FAM53B: variants seen among roughly 807,000 people sequenced by gnomAD.
The protein encoded by FAM53B is family with sequence similarity 53 member B.
Under a neutral mutation model 32.7 loss-of-function variants are expected in FAM53B, and 12 were observed. The ratio of observed to expected loss-of-function variants is 0.37; its 90% confidence interval spans 0.24 to 0.59. The LOEUF is 0.59. Ranked by LOEUF, FAM53B falls within the 20% of genes least tolerant of loss-of-function variation. FAM53B has a pLI of 0.72. For synonymous variants in FAM53B, 234 were observed against 228.7 expected, an observed-to-expected ratio of 1.02 and a Z score of -0.21; for missense variants, 477 against 577.7, an observed-to-expected ratio of 0.83 and a Z score of 1.79.
intron 4 of FAM53B, among the ~76,000 whole-genome samples, chr10:124,635,824 G>A (rs966595242): frequency 2.6e-5 from 4 of 152,000 alleles, no homozygotes; most frequent in African/African-American, 4.8e-5. Flanking sequence ...GTGGAACACC[G>A]TGCAGCCAAA....
intron 4 of FAM53B, among the ~76,000 whole-genome samples, chr10:124,645,735 G>A (rs1949508615): frequency 6.6e-6 from 1 of 152,210 alleles, no homozygotes; most frequent in Admixed American, 6.5e-5. Context: ...TCACCCGGGA[G>A]CTGGCAGAAG....
chr10:124,665,913 T>C (rs372550341), intron 4 of FAM53B, among the ~76,000 whole-genome samples: 115 of 148,680 alleles, frequency 7.7e-4, no homozygotes, highest in Middle Eastern at 3.4e-3. Context: ...ACTCGGCTTA[T>C]AGTCGGCTAC....
At position 124,651,031 on chromosome 10, in the gene FAM53B, A is replaced by T. The variant is rs1325832678; in HGVS notation, c.907-27427T>A. 6.6e-6 allele frequency among the ~76,000 whole-genome samples: 1 copy of T among 151,550 alleles called. No individual in the cohort carries two copies. The highest frequency in any genetic ancestry group is 1.9e-4 in the East Asian group (1 of 5,156). On this transcript the variant is annotated intron_variant, in intron 4 of 4. Transcript: ENST00000337318. This position sits in a 1 kb window ranked among gnomAD's most constrained non-coding sequence, Gnocchi z 5.2. ...CCACGCCAGACACTGGGAGCCCCCCAATCTCCCTTCAGAGGCCACTTCCTG... is the reference window on the plus strand; with the variant it reads ...CCACGCCAGACACTGGGAGCCCCCCTATCTCCCTTCAGAGGCCACTTCCTG...
At chr10:124,686,576 G>C (rs899307150) in intron 3 of FAM53B, among the ~76,000 whole-genome samples, 1 of 152,090 alleles carries the variant, frequency 6.6e-6, no homozygotes, top group Admixed American at 6.5e-5. Flanking sequence ...CTTTCTCCTA[G>C]CTCTGTGATC....
intron 2 of FAM53B, among the ~76,000 whole-genome samples, chr10:124,701,023 T>A (rs911174593): frequency 6.6e-6 from 1 of 152,148 alleles, no homozygotes; most frequent in African/African-American, 2.4e-5. Context: ...CGGATAGAGA[T>A]ACGCTGGCCC....
intron 3 of FAM53B, among the ~76,000 whole-genome samples, chr10:124,692,656 CCT>C (rs920736285): frequency 6.3e-5 from 9 of 142,066 alleles, no homozygotes; most frequent in Non-Finnish European, 9.0e-5. Context: ...CGGAGGTTGC[CCT>C]GAGACAAGAA....
intron 2 of FAM53B, among the ~76,000 whole-genome samples, chr10:124,701,780 AG>A (rs3842242): frequency 0.32 from 48,863 of 152,186 alleles, 8,240 homozygotes; most frequent in Admixed American, 0.41. Flanking sequence ...GCTGAGCCTC[AG>A]GGCCATCTCC....
At chr10:124,702,705 G>A (rs1949923235) in intron 2 of FAM53B, among the ~76,000 whole-genome samples, 1 of 152,206 alleles carries the variant, frequency 6.6e-6, no homozygotes, top group Non-Finnish European at 1.5e-5. Flanking sequence ...TGAGGCTCAA[G>A]GACAGGGAGG....
At chr10:124,712,318 T>C (rs547143938) in intron 1 of FAM53B, among the ~76,000 whole-genome samples, 1 of 152,190 alleles carries the variant, frequency 6.6e-6, no homozygotes. Flanking sequence ...ATTACACCAC[T>C]GTACTCCAGC....
intron 1 of FAM53B, among the ~76,000 whole-genome samples, chr10:124,722,822 A>G (rs1295402318): frequency 6.6e-6 from 1 of 152,176 alleles, no homozygotes; most frequent in African/African-American, 2.4e-5. Context: ...GTAGCTGGGG[A>G]CAGGGATGAG....
At chr10:124,624,650 C>T (rs536558666) in intron 4 of FAM53B, among the ~76,000 whole-genome samples, 6 of 152,256 alleles carry the variant, frequency 3.9e-5, no homozygotes, top group East Asian at 3.9e-4. Context: ...CCTGCCCGAG[C>T]GGCAGGCAGA....
At chr10:124,712,825 T>C (rs546379586) in intron 1 of FAM53B, among the ~76,000 whole-genome samples, 4 of 152,304 alleles carry the variant, frequency 2.6e-5, no homozygotes, top group African/African-American at 9.6e-5. Flanking sequence ...TTCACCAGGA[T>C]TTCCACTGAA....
intron 4 of FAM53B, among the ~76,000 whole-genome samples, chr10:124,668,368 C>T (rs1251467192): frequency 1.3e-5 from 2 of 152,250 alleles, no homozygotes; most frequent in Non-Finnish European, 2.9e-5. Context: ...TATTTATTCC[C>T]ATGTTTATTT....
chr10:124,642,159 T>C (rs1362783628), intron 4 of FAM53B, among the ~76,000 whole-genome samples: 1 of 152,200 alleles, frequency 6.6e-6, no homozygotes, highest in Non-Finnish European at 1.5e-5. Context: ...CCGGGCAGGC[T>C]CAGACCACAG....
rs1054078464 is a variant in FAM53B, at chr10:124,626,207, G to A, written c.907-2603C>T. 5.9e-5 allele frequency among the ~76,000 whole-genome samples: 9 copies of A among 152,360 alleles called. No individual in the cohort carries two copies. In the East Asian group the frequency reaches 1.2e-3, roughly 20 times the overall value. On this transcript the variant is annotated intron_variant, in intron 4 of 4. Transcript: ENST00000337318. ...CCTCGCACGTGAACGCAGCAGGAGC[G>A]CAGCCTGCGCAATCGGACAGACGCC...
At chr10:124,683,427 G>A (rs957681471) in intron 3 of FAM53B, among the ~76,000 whole-genome samples, 1 of 152,164 alleles carries the variant, frequency 6.6e-6, no homozygotes, top group Non-Finnish European at 1.5e-5. Flanking sequence ...CATGTGAATG[G>A]CTTGAGTCAG....
chr10:124,739,332 G>A (rs1010907762), intron 1 of FAM53B, among the ~76,000 whole-genome samples: 12 of 152,270 alleles, frequency 7.9e-5, no homozygotes, highest in African/African-American at 2.7e-4. Flanking sequence ...GTAACTGCAG[G>A]TTTGCTTTGA....
intron 4 of FAM53B, among the ~76,000 whole-genome samples, chr10:124,669,939 G>A (rs552344416): frequency 3.3e-5 from 5 of 150,262 alleles, no homozygotes; most frequent in African/African-American, 1.2e-4. Context: ...CAGGGTGGGT[G>A]AGGATTACAG....
At chr10:124,722,793 C>A (rs1417125619) in intron 1 of FAM53B, among the ~76,000 whole-genome samples, 1 of 152,162 alleles carries the variant, frequency 6.6e-6, no homozygotes, top group East Asian at 1.9e-4. Context: ...GGAGCTCCCC[C>A]CAGGAAGGAG....
Sources: gnomAD v4.1 joint callset for allele counts (sites outside exome capture counted in the v4.1 genomes callset) on GRCh38, gnomAD v4.1.1 for gene constraint, Gnocchi (gnomAD v3.1) non-coding constraint, MANE v1.5 for transcripts, NCBI Gene and HGNC (gene_info 2026-07-23, HGNC 2026-07-21) for gene names.